ARHGAP8: variants seen among roughly 807,000 people sequenced by gnomAD.
ARHGAP8 encodes the protein Rho GTPase activating protein 8.
In ARHGAP8, 62 loss-of-function variants were observed where a neutral mutation model predicts 46.1. That is an observed-to-expected ratio of 1.34 (90% CI 1.10 to 1.66). The LOEUF is 1.66. Ranked by LOEUF, ARHGAP8 falls within the 40% of genes most tolerant of loss-of-function variation. The probability of loss-of-function intolerance (pLI) is 0.00; values close to 1 mark genes in which losing one functional copy is unlikely to be tolerated. For missense variants in ARHGAP8, 923 were observed against 568.4 expected (o/e 1.62, Z -6.34); for synonymous variants, 375 against 243.1 (o/e 1.54, Z -5.05).
At chr22:44,817,632 C>T (rs1436808266) in intron 5 of ARHGAP8, among the ~76,000 whole-genome samples, 3 of 152,010 alleles carry the variant, frequency 2.0e-5, no homozygotes, top group Non-Finnish European at 2.9e-5. Context: ...GGCAAAACCC[C>T]GTCTCTACTA....
At chr22:44,773,021 G>A (rs1012263699) in intron 1 of ARHGAP8, among the ~76,000 whole-genome samples, 1 of 151,982 alleles carries the variant, frequency 6.6e-6, no homozygotes, top group African/African-American at 2.4e-5. Flanking sequence ...CTCATATGTT[G>A]CCCAGGCCAG....
intron 2 of ARHGAP8, among the ~76,000 whole-genome samples, chr22:44,790,027 T>C (rs1019120258): frequency 7.9e-5 from 12 of 152,200 alleles, no homozygotes; most frequent in African/African-American, 2.4e-4. Flanking sequence ...GATGGACATA[T>C]AGCAGAAATC....
intron 3 of ARHGAP8, among the ~76,000 whole-genome samples, chr22:44,806,138 A>T (rs1312189281): frequency 6.6e-6 from 1 of 152,098 alleles, no homozygotes; most frequent in African/African-American, 2.4e-5. Flanking sequence ...CTATCCTGAG[A>T]AGTGAGGAGG....
At chr22:44,833,592 T>A (rs376315661) in intron 7 of ARHGAP8, among the ~76,000 whole-genome samples, 7 of 152,180 alleles carry the variant, frequency 4.6e-5, no homozygotes, top group African/African-American at 1.7e-4. Flanking sequence ...GAGGATTTTG[T>A]ATTTATATTT....
intron 3 of ARHGAP8, among the ~76,000 whole-genome samples, chr22:44,807,306 C>G (rs1929001447): frequency 6.6e-6 from 1 of 152,182 alleles, no homozygotes; most frequent in African/African-American, 2.4e-5. Flanking sequence ...GCAGGGCAAG[C>G]CCTTTCCCAC....
chr22:44,836,774 G>T (rs952959897), intron 7 of ARHGAP8, among the ~76,000 whole-genome samples: 1 of 151,858 alleles, frequency 6.6e-6, no homozygotes, highest in Non-Finnish European at 1.5e-5. Flanking sequence ...GAAAAGCCTG[G>T]GTGCCCAGCT....
At chr22:44,801,788 C>T (rs957569597) in intron 2 of ARHGAP8, 4 of 397,458 alleles carry the variant, frequency 1.0e-5, no homozygotes, top group African/African-American at 8.1e-5. Flanking sequence ...TTGGTGCCGC[C>T]TGCCAGCTGG....
chr22:44,822,391 T>A lies in ARHGAP8; in HGVS notation c.407T>A (p.Val136Asp). The change falls in exon 6 of 12, where the codon GTC becomes GAC. Residue 136 changes from valine to aspartate, a missense_variant. Transcript: ENST00000356099. ...CTTAGTCACAAGTTTGGGAAGAAAG[T>A]CATCTATTTCAACTACCTGAGTGAG... The part of the protein sequence containing the change: ...PLISHKFGKK[V>D]IYFNYLSELH... 1.3e-6 allele frequency: 2 copies of A among 1,583,784 alleles called. No individual in the cohort carries two copies. The highest frequency in any genetic ancestry group is 2.4e-5 in the South Asian group (2 of 84,610).
At chr22:44,824,658 A>T (rs1322562714) in intron 6 of ARHGAP8, among the ~76,000 whole-genome samples, 1 of 129,532 alleles carries the variant, frequency 7.7e-6, no homozygotes, top group Non-Finnish European at 1.6e-5. Context: ...TTTGAGATGG[A>T]GTCTTGCTCT....
At chr22:44,834,294 C>A (rs1931144294) in intron 7 of ARHGAP8, among the ~76,000 whole-genome samples, 1 of 152,038 alleles carries the variant, frequency 6.6e-6, no homozygotes, top group South Asian at 2.1e-4. Flanking sequence ...TTACTAAGTC[C>A]TGCAATAGAT....
intron 7 of ARHGAP8, among the ~76,000 whole-genome samples, chr22:44,837,519 G>A (rs1005730893): frequency 5.3e-5 from 8 of 152,286 alleles, no homozygotes; most frequent in South Asian, 2.1e-4. Flanking sequence ...ACCCTGGCCC[G>A]TGCACATTGA....
At chr22:44,816,884 CTTTT>C (rs981732386) in intron 5 of ARHGAP8, among the ~76,000 whole-genome samples, 1 of 115,104 alleles carries the variant, frequency 8.7e-6, no homozygotes, top group African/African-American at 3.3e-5. Flanking sequence ...TTCTTTCTTT[CTTTT>C]TTTTTTTTTT....
intron 7 of ARHGAP8, among the ~76,000 whole-genome samples, chr22:44,835,987 C>T (rs1216051460): frequency 6.6e-6 from 1 of 152,168 alleles, no homozygotes; most frequent in Non-Finnish European, 1.5e-5. Flanking sequence ...CTCCCATAGG[C>T]TCTGGTTCTG....
intron 7 of ARHGAP8, among the ~76,000 whole-genome samples, chr22:44,844,399 T>C (rs768398274): frequency 3.3e-5 from 5 of 152,240 alleles, no homozygotes; most frequent in Non-Finnish European, 5.9e-5. Context: ...TATTGATAAT[T>C]ACATTAAGTC....
chr22:44,802,189 CTGTCCCTGTCTCTCCATGTTGCT>C (rs754868850), intron 3 of ARHGAP8, 25 bp downstream of exon 3: 33 of 1,612,822 alleles, frequency 2.0e-5, no homozygotes, highest in Non-Finnish European at 2.6e-5. Flanking sequence ...CCCTCTCTTT[CTGTCCCTGTCTCTCCATGTTGCT>C]TGTCCCCATC....
At chr22:44,831,376 G>A (rs982603607) in intron 7 of ARHGAP8, among the ~76,000 whole-genome samples, 3 of 152,112 alleles carry the variant, frequency 2.0e-5, no homozygotes, top group African/African-American at 7.2e-5. Flanking sequence ...GCTTCTTTGC[G>A]TGTTGTTACA....
intron 4 of ARHGAP8, among the ~76,000 whole-genome samples, chr22:44,811,853 C>T (rs933818420): frequency 2.0e-5 from 3 of 152,020 alleles, no homozygotes; most frequent in African/African-American, 7.2e-5. Flanking sequence ...AAAAATTAGC[C>T]AGGCGTGGTG....
At chr22:44,859,280 A>G (rs868297237) in intron 10 of ARHGAP8, among the ~76,000 whole-genome samples, 3 of 152,156 alleles carry the variant, frequency 2.0e-5, no homozygotes, top group East Asian at 1.9e-4. Context: ...ATGAGGGCAG[A>G]TACCTCATGG....
intron 11 of ARHGAP8, among the ~76,000 whole-genome samples, chr22:44,861,012 A>T (rs905823606): frequency 6.6e-6 from 1 of 151,362 alleles, no homozygotes; most frequent in Non-Finnish European, 1.5e-5. Context: ...AATTCTCTCA[A>T]AAAAATTTTT....
Sources: gnomAD v4.1 joint callset for allele counts (sites outside exome capture counted in the v4.1 genomes callset) on GRCh38, gnomAD v4.1.1 for gene constraint, MANE v1.5 for transcripts, NCBI Gene and HGNC (gene_info 2026-07-23, HGNC 2026-07-21) for gene names.